The following PLAGL1 variants were observed in gnomAD, a reference collection of about 807,000 sequenced individuals.
PLAGL1 encodes the protein zinc finger protein PLAGL1.
In PLAGL1, 1 loss-of-function variant was observed where a neutral mutation model predicts 4.6. The ratio of observed to expected loss-of-function variants is 0.22; its 90% CI spans 0.08 to 1.03. PLAGL1 has a LOEUF of 1.03. Ranked by LOEUF, PLAGL1 falls within the 50% of genes least tolerant of loss-of-function variation. The pLI is 0.58. For synonymous variants in PLAGL1, 240 were observed against 237.8 expected (o/e 1.01, Z -0.08); for missense variants, 464 against 570.4 (o/e 0.81, Z 1.90).
rs1791246012 is a variant in PLAGL1, at chr6:143,994,616, A to G, written c.-583-9442T>C. Reference sequence around the variant, plus strand: ...AAAAATGTATGGAAGATGATGAGAGACAGCAGTGTGACCACTGGAGCAGCT... The same window carrying G: ...AAAAATGTATGGAAGATGATGAGAGGCAGCAGTGTGACCACTGGAGCAGCT... On this transcript the variant is annotated intron_variant, in intron 1 of 7. Transcript: ENST00000674357. This position sits in a 1 kb window ranked among gnomAD's most constrained non-coding sequence, Gnocchi z 4.3. Among the ~76,000 whole-genome samples, 1 of 152,236 alleles carries G rather than the reference A, an allele frequency of 6.6e-6. No individual in the cohort carries two copies. The highest frequency in any genetic ancestry group is 6.5e-5 in the Admixed American group (1 of 15,288).
intron 7 of PLAGL1, among the ~76,000 whole-genome samples, chr6:143,943,608 C>T (rs1255945111): frequency 6.6e-6 from 1 of 151,630 alleles, no homozygotes; most frequent in Non-Finnish European, 1.5e-5. Context: ...GTCTCTGTTA[C>T]TTCAAATTTT....
chr6:143,951,452 C>T (rs938952907), intron 6 of PLAGL1, among the ~76,000 whole-genome samples: 20 of 152,346 alleles, frequency 1.3e-4, no homozygotes, highest in South Asian at 4.1e-4. Context: ...GCAAGTAAAA[C>T]GCCTGCATTC....
Position 143,985,360 on chromosome 6 carries a change from T to G in PLAGL1, c.-583-186A>C, listed in dbSNP as rs1788775631. Among the ~76,000 whole-genome samples, 1 of 152,172 alleles carries G rather than the reference T, an allele frequency of 6.6e-6. No homozygotes were observed. The highest frequency in any genetic ancestry group is 2.4e-5 in the African/African-American group (1 of 41,446). ...AACCGATATGTTTATATTAATACCA[T>G]CTACTAGTCTATCGCGATTTCCCAT... On this transcript the variant is annotated intron_variant, in intron 1 of 7. Transcript: ENST00000674357. The surrounding 1 kb of genome is among the most constrained non-coding windows in gnomAD (Gnocchi z 4.4).
At chr6:143,981,981 G>C (rs575493734) in intron 2 of PLAGL1, among the ~76,000 whole-genome samples, 2 of 152,066 alleles carry the variant, frequency 1.3e-5, no homozygotes, top group African/African-American at 4.8e-5. Context: ...TTATTGAGTG[G>C]TTGTTTTTCC....
chr6:143,990,553 T>C lies in PLAGL1; in HGVS notation c.-583-5379A>G, dbSNP rs1015229199. ...CCCATTTCCTTACCTCCCACTCACT[T>C]TCCAACCCATTCCCCAGGCTCTTAT... On this transcript the variant is annotated intron_variant, in intron 1 of 7. Coordinates refer to ENST00000674357, the MANE Select transcript of PLAGL1 (RefSeq NM_001317162.2). The surrounding 1 kb of genome is among the most constrained non-coding windows in gnomAD (Gnocchi z 5.4). 1.3e-5 allele frequency among the ~76,000 whole-genome samples: 2 copies of C among 152,190 alleles called. No individual in the cohort carries two copies. Among genetic ancestry groups the C allele is most frequent in the Non-Finnish European group, 2.9e-5 (2 of 68,034 alleles).
chr6:143,956,850 G>A (rs1562421139), intron 6 of PLAGL1, among the ~76,000 whole-genome samples: 1 of 152,218 alleles, frequency 6.6e-6, no homozygotes, highest in African/African-American at 2.4e-5. Context: ...AACTACCAAG[G>A]GGGAAGGGAT....
In PLAGL1 at chr6:143,943,031, A is replaced by ATTTTTTTTTTTTTTTTTTTTTTTTTTT. The variant is rs61216054; in HGVS notation, c.153-369_153-368insAAAAAAAAAAAAAAAAAAAAAAAAAAA. On this transcript the variant is annotated intron_variant, in intron 7 of 7. Transcript: ENST00000674357. Reference sequence around the variant, plus strand: ...AGGCACACACCACCAGGCCTGGCTAATTTTTTTTTTTTTTTTTTTGAGACA... The same window carrying ATTTTTTTTTTTTTTTTTTTTTTTTTTT: ...AGGCACACACCACCAGGCCTGGCTAATTTTTTTTTTTTTTTTTTTTTTTTTTTTTTTTTTTTTTTTTTTTTTGAGACA... Among the ~76,000 whole-genome samples the ATTTTTTTTTTTTTTTTTTTTTTTTTTT allele has an allele frequency of 3.6e-4, 23 of 64,646 alleles. 2 individuals carry two copies. Among genetic ancestry groups the ATTTTTTTTTTTTTTTTTTTTTTTTTTT allele is most frequent in the African/African-American group, 5.8e-4 (11 of 19,116 alleles). The allele number at this position is 64,646 out of a possible 152,430, so 42.4% of individuals were successfully genotyped here.
chr6:144,063,970 G>C lies in PLAGL1; in HGVS notation c.-151+498C>G, dbSNP rs1799632242. 6.6e-6 allele frequency among the ~76,000 whole-genome samples: 1 copy of C among 152,176 alleles called. No individual in the cohort carries two copies. The highest frequency in any genetic ancestry group is 2.4e-5 in the African/African-American group (1 of 41,438). On this transcript the variant is annotated intron_variant, in intron 1 of 3. Coordinates refer to the PLAGL1 transcript ENST00000437412. The surrounding 1 kb of genome is among the most constrained non-coding windows in gnomAD (Gnocchi z 5.7). ...CCCATTAACTCAGTCTCTGGGAGAC[G>C]GGCTAAGCTGGCACTTGAGATTCTC...
At position 144,044,427 on chromosome 6, in the gene PLAGL1, C is replaced by T. The variant is rs573928016; in HGVS notation, c.-151+20041G>A. 5.3e-4 allele frequency among the ~76,000 whole-genome samples: 80 copies of T among 152,262 alleles called. 1 individual carries two copies. The South Asian group carries it at 0.01, about 19-fold the overall frequency. On this transcript the variant is annotated intron_variant, in intron 1 of 3. Coordinates refer to the PLAGL1 transcript ENST00000437412. ...AACATCTTTATTTCTGCTTCCATTT[C>T]GTTATTCACCCAGTAGTCATTCAGG... is the stretch of plus-strand genomic sequence containing the variant.
Position 143,967,997 on chromosome 6 carries a change from C to CAAAAAAA in PLAGL1, c.-472+903_-472+909dup, listed in dbSNP as rs60021436. ...CATTATGACCATCAAGGACATTTTGCAAAAAAAAAAAAAAAAAAAAACAGT... is the reference window on the plus strand; with the variant it reads ...CATTATGACCATCAAGGACATTTTGCAAAAAAAAAAAAAAAAAAAAAAAAAAAACAGT... On this transcript the variant is annotated intron_variant, in intron 3 of 7. Coordinates refer to ENST00000674357, the MANE Select transcript of PLAGL1 (RefSeq NM_001317162.2). 5.2e-4 allele frequency: 47 copies of CAAAAAAA among 89,980 alleles called. 2 individuals carry two copies. The highest frequency in any genetic ancestry group is 8.9e-3 in the Middle Eastern group (1 of 112). The allele number at this position is 89,980 out of a possible 1,614,324, so 5.6% of individuals were successfully genotyped here.
In PLAGL1 at chr6:143,942,644, G is replaced by A. The variant is rs1293331937; in HGVS notation, c.172C>T (p.Pro58Ser). Residue 58 changes from proline (P) to serine (S), a missense_variant, in exon 8 of 8, where the codon CCC becomes TCC. By Grantham distance (74) the Pro-to-Ser change is moderately conservative. Transcript: ENST00000674357. The surrounding 1 kb of genome is among the most constrained non-coding windows in gnomAD (Gnocchi z 7.6). ...TGAGCACACTGGTGAGATTTCTGGG[G>A]AGAATGGGTAGCCATATGCCTAGGA... Reference protein sequence around the residue: ...KLMRHMATHSPQKSHQCAHCE... With the variant: ...KLMRHMATHSSQKSHQCAHCE... 11 of 1,613,482 alleles carry A rather than the reference G, an allele frequency of 6.8e-6. No homozygotes were observed. The highest frequency in any genetic ancestry group is 1.1e-5 in the South Asian group (1 of 91,040).
rs1023433382 is a variant in PLAGL1 at position 144,055,406 on chromosome 6, A to C, written c.-151+9062T>G. Among the ~76,000 whole-genome samples the C allele has an allele frequency of 2.6e-5, 4 of 152,192 alleles. No individual in the cohort carries two copies. Among genetic ancestry groups the C allele is most frequent in the African/African-American group, 7.2e-5 (3 of 41,430 alleles). On this transcript the variant is annotated intron_variant, in intron 1 of 3. Transcript: ENST00000437412. This position sits in a 1 kb window ranked among gnomAD's most constrained non-coding sequence, Gnocchi z 5.0. ...ACACTGGCATTCTTTAACATGATGA[A>C]TTTTATTATACAGATGAGGCTTATG...
chr6:144,001,571 T>G (rs1792891860), intron 1 of PLAGL1, among the ~76,000 whole-genome samples: 1 of 152,138 alleles, frequency 6.6e-6, no homozygotes, highest in Non-Finnish European at 1.5e-5. Context: ...ACTGTGGTGG[T>G]TTTAACATAT....
intron 1 of PLAGL1, among the ~76,000 whole-genome samples, chr6:144,021,760 G>A (rs1054671132): frequency 6.6e-6 from 1 of 152,220 alleles, no homozygotes; most frequent in Non-Finnish European, 1.5e-5. Flanking sequence ...AGAAATTAAA[G>A]ACTGTCATTA....
intron 1 of PLAGL1, among the ~76,000 whole-genome samples, chr6:143,999,413 T>C (rs1257932853): frequency 2.0e-5 from 3 of 152,214 alleles, no homozygotes; most frequent in Non-Finnish European, 2.9e-5. Context: ...GAAATCTCCA[T>C]ACACAAATAA....
intron 1 of PLAGL1, among the ~76,000 whole-genome samples, chr6:144,051,823 T>A (rs1240536923): frequency 6.6e-6 from 1 of 152,146 alleles, no homozygotes; most frequent in Non-Finnish European, 1.5e-5. Context: ...TTCACTATCA[T>A]GAGAATAGTG....
chr6:143,967,923 G>A (rs1407413063), intron 3 of PLAGL1: 1 of 145,384 alleles, frequency 6.9e-6, no homozygotes, highest in East Asian at 2.0e-4. Context: ...AATGTAAGAT[G>A]GGATATAAGA....
rs752909100 is a variant in PLAGL1, at chr6:143,951,706, G to T, written c.-324-3246C>A. On this transcript the variant is annotated intron_variant, in intron 6 of 7. Coordinates refer to ENST00000674357, the MANE Select transcript of PLAGL1 (RefSeq NM_001317162.2). ...AATCTGAGCATTAGACATGGCCATGGTTTAAAGGTGAGGCACATTTCCTCC... is the reference window on the plus strand; with the variant it reads ...AATCTGAGCATTAGACATGGCCATGTTTTAAAGGTGAGGCACATTTCCTCC... Among the ~76,000 whole-genome samples the T allele has an allele frequency of 1.6e-4, 25 of 152,216 alleles. 1 individual carries two copies. The highest frequency in any genetic ancestry group is 2.0e-4 in the Admixed American group (3 of 15,274).
chr6:144,062,668 T>C (rs935731718), intron 1 of PLAGL1, among the ~76,000 whole-genome samples: 1 of 152,104 alleles, frequency 6.6e-6, no homozygotes, highest in Non-Finnish European at 1.5e-5. Flanking sequence ...TTAGTTATCA[T>C]CGTAGCCGGG....
Sources: gnomAD v4.1 joint callset for allele counts (sites outside exome capture counted in the v4.1 genomes callset) on GRCh38, gnomAD v4.1.1 for gene constraint, Gnocchi (gnomAD v3.1) non-coding constraint, MANE v1.5 for transcripts, NCBI Gene and HGNC (gene_info 2026-07-23, HGNC 2026-07-21) for gene names.